The following SOX5 variants were observed in gnomAD, a reference collection of about 807,000 sequenced individuals.
SOX5 encodes the protein transcription factor SOX-5.
A neutral mutation model predicts 92.0 loss-of-function variants in SOX5; 9 were observed. The ratio of observed to expected loss-of-function variants is 0.10; its 90% CI spans 0.06 to 0.17. The LOEUF (loss-of-function observed/expected upper bound fraction) is 0.17. Among genes scored for constraint, SOX5 ranks in the 10% least tolerant of loss-of-function variants. SOX5 has a pLI of 1.00. For synonymous variants in SOX5, 344 were observed against 336.3 expected, an observed-to-expected ratio of 1.02 and a Z score of -0.25; for missense variants, 642 against 944.5, an observed-to-expected ratio of 0.68 and a Z score of 4.20.
intron 2 of SOX5, among the ~76,000 whole-genome samples, chr12:24,304,995 C>G (rs192351596): frequency 1.3e-5 from 2 of 152,284 alleles, no homozygotes; most frequent in Admixed American, 1.3e-4. Context: ...CCCCCTCAAT[C>G]AATGCCTTGG....
At chr12:24,055,862 C>A (rs1958043641) in intron 4 of SOX5, among the ~76,000 whole-genome samples, 1 of 152,166 alleles carries the variant, frequency 6.6e-6, no homozygotes, top group Admixed American at 6.5e-5. Context: ...TAGTAAATGT[C>A]ATGTTCCTGT....
intron 1 of SOX5, among the ~76,000 whole-genome samples, chr12:23,904,827 C>CTT (rs1489408121): frequency 6.6e-6 from 1 of 152,158 alleles, no homozygotes; most frequent in Non-Finnish European, 1.5e-5. Flanking sequence ...AAGAGCAGCA[C>CTT]TTTTCACTTC....
chr12:23,866,982 A>G (rs2096821497), intron 2 of SOX5, among the ~76,000 whole-genome samples: 1 of 152,088 alleles, frequency 6.6e-6, no homozygotes, highest in Non-Finnish European at 1.5e-5. Context: ...ACTTAGTAAT[A>G]TAACCATAAG....
intron 1 of SOX5, among the ~76,000 whole-genome samples, chr12:24,516,520 C>G (rs964610200): frequency 5.3e-5 from 8 of 152,168 alleles, no homozygotes; most frequent in Non-Finnish European, 1.2e-4. Flanking sequence ...CCCTGATTGC[C>G]AGCTCTCCTG....
chr12:23,588,318 T>C (rs1951028254), intron 9 of SOX5, among the ~76,000 whole-genome samples: 1 of 152,022 alleles, frequency 6.6e-6, no homozygotes, highest in South Asian at 2.1e-4. Context: ...TGGATTTGTA[T>C]CAAAGCTCTC....
At chr12:23,546,467 T>C (rs770367334) in intron 11 of SOX5, 43 bp from the exon 12 acceptor site, 15 of 1,135,266 alleles carry the variant, frequency 1.3e-5, no homozygotes, top group Non-Finnish European at 2.0e-5. Context: ...GGAATTAAAA[T>C]TATTTGAAGA....
chr12:24,291,755 A>C (rs1000943790), intron 2 of SOX5, among the ~76,000 whole-genome samples: 3 of 152,206 alleles, frequency 2.0e-5, no homozygotes, highest in Admixed American at 2.0e-4. Context: ...AAGTATACTG[A>C]CTAAATGAGC....
At chr12:23,764,986 A>G (rs1267996646) in intron 3 of SOX5, among the ~76,000 whole-genome samples, 3 of 152,096 alleles carry the variant, frequency 2.0e-5, no homozygotes, top group African/African-American at 7.2e-5. Flanking sequence ...ATGATAAATC[A>G]AAGATTGTGA....
At chr12:23,809,235 G>A (rs763966849) in intron 3 of SOX5, among the ~76,000 whole-genome samples, 18 of 152,156 alleles carry the variant, frequency 1.2e-4, no homozygotes, top group East Asian at 3.9e-4. Flanking sequence ...AAAGAGGAAC[G>A]GGCTGGTGGG....
chr12:23,887,549 CG>C (rs1203597669), intron 2 of SOX5, among the ~76,000 whole-genome samples: 2 of 152,124 alleles, frequency 1.3e-5, no homozygotes, highest in Non-Finnish European at 2.9e-5. Context: ...CAAGAATTCA[CG>C]TAAGTCTCCG....
chr12:24,304,751 C>A (rs894804792), intron 2 of SOX5, among the ~76,000 whole-genome samples: 15 of 152,168 alleles, frequency 9.9e-5, no homozygotes, highest in African/African-American at 3.4e-4. Flanking sequence ...TCCTGTCAAG[C>A]CTGCTCTCCT....
intron 4 of SOX5, among the ~76,000 whole-genome samples, chr12:24,127,837 C>T (rs185368743): frequency 2.6e-5 from 4 of 152,182 alleles, no homozygotes; most frequent in East Asian, 1.9e-4. Flanking sequence ...GAGGCAACAC[C>T]GTCTCATTTG....
chr12:24,188,434 T>A (rs768875033), intron 4 of SOX5, among the ~76,000 whole-genome samples: 61 of 152,282 alleles, frequency 4.0e-4, no homozygotes, highest in Non-Finnish European at 7.8e-4. Flanking sequence ...AACAAGTATT[T>A]ATTCAATACT....
intron 1 of SOX5, among the ~76,000 whole-genome samples, chr12:23,902,729 AT>A: frequency 6.6e-6 from 1 of 152,192 alleles, no homozygotes; most frequent in South Asian, 2.1e-4. Flanking sequence ...GTTTTTGACC[AT>A]TTCACTTTAT....
At chr12:24,365,511 C>G (rs1454103366) in intron 2 of SOX5, among the ~76,000 whole-genome samples, 1 of 151,570 alleles carries the variant, frequency 6.6e-6, no homozygotes. Context: ...TACCTTCTAT[C>G]AATTCTGTCT....
intron 1 of SOX5, among the ~76,000 whole-genome samples, chr12:24,539,980 A>T (rs775446078): frequency 6.6e-6 from 1 of 152,146 alleles, no homozygotes; most frequent in South Asian, 2.1e-4. Flanking sequence ...TCAATTATTT[A>T]TATGAAGAGG....
intron 4 of SOX5, among the ~76,000 whole-genome samples, chr12:23,984,692 A>C (rs759375133): frequency 2.0e-5 from 3 of 152,184 alleles, no homozygotes; most frequent in Admixed American, 6.5e-5. Flanking sequence ...AAAATGCCAA[A>C]ATAAGAGTGT....
intron 1 of SOX5, among the ~76,000 whole-genome samples, chr12:24,398,278 A>C (rs1960582027): frequency 6.6e-6 from 1 of 152,220 alleles, no homozygotes; most frequent in Non-Finnish European, 1.5e-5. Flanking sequence ...CCAAGGCGAG[A>C]GTATCACCTG....
chr12:24,209,745 G>A (rs1321300813), intron 4 of SOX5, among the ~76,000 whole-genome samples: 1 of 151,966 alleles, frequency 6.6e-6, no homozygotes, highest in African/African-American at 2.4e-5. Context: ...CCGGCCGGGC[G>A]CGGTGGCTCA....
Sources: gnomAD v4.1 joint callset for allele counts (sites outside exome capture counted in the v4.1 genomes callset) on GRCh38, gnomAD v4.1.1 for gene constraint, MANE v1.5 for transcripts, NCBI Gene and HGNC (gene_info 2026-07-23, HGNC 2026-07-21) for gene names.